CABLES2: variants seen among roughly 807,000 people sequenced by gnomAD.
CABLES2 encodes the protein CDK5 and ABL1 enzyme substrate 2.
CABLES2 carries 35 observed loss-of-function variants against 44.8 expected under a neutral mutation model. That is an observed-to-expected ratio of 0.78 (90% CI 0.60 to 1.04). CABLES2 has a LOEUF of 1.04. CABLES2 is among the 50% of genes least tolerant of loss of function. The pLI is 0.00. For missense variants in CABLES2, 566 were observed against 615.7 expected (o/e 0.92, Z 0.85); for synonymous variants, 282 against 281.1 (o/e 1.00, Z -0.03).
chr20:62,398,630 G>C (rs540485241), intron 1 of CABLES2, among the ~76,000 whole-genome samples: 10 of 152,292 alleles, frequency 6.6e-5, no homozygotes, highest in African/African-American at 1.2e-4. Context: ...ACAAGACCTG[G>C]TGCACTCAGG....
At chr20:62,393,353 G>A (rs761609824) in intron 6 of CABLES2, 87 bp downstream of exon 6, 17 of 1,358,286 alleles carry the variant, frequency 1.3e-5, no homozygotes, top group Non-Finnish European at 1.6e-5. Context: ...ATTGAAAGGG[G>A]CTTGCTGATG....
rs889739190 is a variant in CABLES2, at chr20:62,391,686, C to A, written c.1092-233G>T. Among the ~76,000 whole-genome samples, 1 of 151,964 alleles carries A rather than the reference C, an allele frequency of 6.6e-6. No individual in the cohort carries two copies. ...GCTTCCCCCGTCCCGTGGGTGGGCA[C>A]CCATGGCAGCTCCCACCTGTGCCTG... On this transcript the variant is annotated intron_variant, in intron 8 of 9. Transcript: ENST00000279101. The surrounding 1 kb of genome is among the most constrained non-coding windows in gnomAD (Gnocchi z 5.7).
intron 1 of CABLES2, among the ~76,000 whole-genome samples, chr20:62,399,215 G>T (rs911633704): frequency 1.3e-5 from 2 of 148,312 alleles, no homozygotes; most frequent in African/African-American, 5.1e-5. Context: ...CTCCCAAAGG[G>T]CTGGGATTAC....
chr20:62,390,655 CA>C lies in CABLES2; in HGVS notation c.*315del. On this transcript the variant is annotated 3_prime_UTR_variant, in exon 10 of 10. Coordinates refer to ENST00000279101, the MANE Select transcript of CABLES2 (RefSeq NM_031215.3). ...CCGGCTCGCTGCTGCACGCTGTGAA[CA>C]AAAGGTCCTGGTACCAGGCTGGTCT... 5.3e-6 allele frequency: 2 copies of C among 376,402 alleles called. No homozygotes were observed. The highest frequency in any genetic ancestry group is 1.0e-5 in the Non-Finnish European group (2 of 200,800). The allele number at this position is 376,402 out of a possible 1,614,324, so 23.3% of individuals were successfully genotyped here. A position where few individuals can be genotyped will look rare whatever the true frequency, so the allele number is the denominator to read the frequency against.
chr20:62,396,887 C>G lies in CABLES2; in HGVS notation c.363-295G>C, dbSNP rs1195527118. Among the ~76,000 whole-genome samples the G allele has an allele frequency of 1.3e-5, 2 of 152,128 alleles. No individual in the cohort carries two copies. The highest frequency in any genetic ancestry group is 6.5e-5 in the Admixed American group (1 of 15,284). ...AGCACAGCACAGCACGCCAACCTGC[C>G]CTGCCCACCGAGGGTCGCTCGGCCC... On this transcript the variant is annotated intron_variant, in intron 1 of 9. Coordinates refer to ENST00000279101, the MANE Select transcript of CABLES2 (RefSeq NM_031215.3). This position sits in a 1 kb window ranked among gnomAD's most constrained non-coding sequence, Gnocchi z 5.7.
chr20:62,393,569 C>T lies in CABLES2; in HGVS notation c.751G>A (p.Ala251Thr), dbSNP rs200257257. Reference sequence around the variant, plus strand: ...CTGTCACTCTTGTGTGTGACCAGGGCGTTGGTGGGATACAGGAACTTCGCA... The same window carrying T: ...CTGTCACTCTTGTGTGTGACCAGGGTGTTGGTGGGATACAGGAACTTCGCA... ...SYAKFLYPTN[A>T]LVTHKSDSHG... The change falls in exon 6 of 10, where the codon GCC becomes ACC. Residue 251 changes from alanine to threonine, a missense_variant. Ala to Thr is a moderately conservative substitution (Grantham distance 58, BLOSUM62 0). Around this residue, in one of 2 missense-constraint regions of CABLES2, gnomAD observed 436 missense variants for 536.3 expected, o/e 0.81. Coordinates refer to ENST00000279101, the MANE Select transcript of CABLES2 (RefSeq NM_031215.3). The T allele has an allele frequency of 8.1e-6, 13 of 1,608,770 alleles. No individual in the cohort carries two copies. Among genetic ancestry groups the T allele is most frequent in the African/African-American group, 1.3e-5 (1 of 74,704 alleles).
rs751695902 is a variant in CABLES2 at position 62,396,404 on chromosome 20, G to A, written c.438C>T (p.Thr146=). Reference sequence around the variant, plus strand: ...GTCTCGGTGATCCAGATGTGTGTTTGGTTCTGCAAGGCAAAGGACACAGGT... The same window carrying A: ...GTCTCGGTGATCCAGATGTGTGTTTAGTTCTGCAAGGCAAAGGACACAGGT... ...DAVGCAPAQR[T]KHTSGSPRHK... is the part of the protein sequence containing the mutation. The change falls in exon 3 of 10, where the codon ACC becomes ACT. Residue 146 remains threonine (T), a synonymous_variant. Coordinates refer to ENST00000279101, the MANE Select transcript of CABLES2 (RefSeq NM_031215.3). The surrounding 1 kb of genome is among the most constrained non-coding windows in gnomAD (Gnocchi z 5.7). 1.9e-6 allele frequency: 3 copies of A among 1,613,820 alleles called. No individual in the cohort carries two copies. In the African/African-American group the frequency reaches 4.0e-5, roughly 22 times the overall value.
intron 1 of CABLES2, among the ~76,000 whole-genome samples, chr20:62,398,276 GTGGTGGTGGTGA>G (rs1448767735): frequency 6.8e-6 from 1 of 147,552 alleles, no homozygotes; most frequent in African/African-American, 2.5e-5. Context: ...GATGGCGGTG[GTGGTGGTGGTGA>G]TGGTGGCGAT....
Position 62,397,989 on chromosome 20 carries a change from GTGGTGA to G in CABLES2, c.363-1403_363-1398del, listed in dbSNP as rs1569017287. 3.4e-3 allele frequency among the ~76,000 whole-genome samples: 198 copies of G among 58,308 alleles called. 3 individuals carry two copies. Among genetic ancestry groups the G allele is most frequent in the African/African-American group, 9.0e-3 (172 of 19,016 alleles). 38.3% of individuals were successfully genotyped at this position (58,308 alleles called of 152,430 possible). A position where few individuals can be genotyped will look rare whatever the true frequency, so the allele number is the denominator to read the frequency against. On this transcript the variant is annotated intron_variant, in intron 1 of 9. Coordinates refer to ENST00000279101, the MANE Select transcript of CABLES2 (RefSeq NM_031215.3). ...GGTGGTGACAGTGGTGATGGCGGTG[GTGGTGA>G]TGATGGTGATGGTTATGGCGGTGGT...
At chr20:62,401,283 G>T (rs532756257) in intron 1 of CABLES2, among the ~76,000 whole-genome samples, 49 of 152,350 alleles carry the variant, frequency 3.2e-4, no homozygotes, top group African/African-American at 1.2e-3. Flanking sequence ...TGGGGAGGAC[G>T]CCGCTTTGGC....
At position 62,396,136 on chromosome 20, in the gene CABLES2, T is replaced by C. The variant is rs1441446506; in HGVS notation, c.527+179A>G. Among the ~76,000 whole-genome samples, 1 of 152,072 alleles carries C rather than the reference T, an allele frequency of 6.6e-6. No individual in the cohort carries two copies. Among genetic ancestry groups the C allele is most frequent in the Non-Finnish European group, 1.5e-5 (1 of 68,010 alleles). ...TGTGGTGACACCAGGGACCTGCGGG[T>C]GCTCGGCTGATGTGGAGCAAGCAGT... On this transcript the variant is annotated intron_variant, in intron 3 of 9. Coordinates refer to ENST00000279101, the MANE Select transcript of CABLES2 (RefSeq NM_031215.3). The surrounding 1 kb of genome is among the most constrained non-coding windows in gnomAD (Gnocchi z 5.7).
At position 62,396,262 on chromosome 20, in the gene CABLES2, C is replaced by T. The variant is rs569343385; in HGVS notation, c.527+53G>A. The T allele has an allele frequency of 8.3e-5, 123 of 1,479,180 alleles. 2 individuals are homozygous for T. In the South Asian group the frequency reaches 1.2e-3, roughly 15 times the overall value. The allele number at this position is 1,479,180 out of a possible 1,614,324, so 91.6% of individuals were successfully genotyped here. On this transcript the variant is annotated intron_variant, in intron 3 of 9. Coordinates refer to ENST00000279101, the MANE Select transcript of CABLES2 (RefSeq NM_031215.3). The surrounding 1 kb of genome is among the most constrained non-coding windows in gnomAD (Gnocchi z 5.7). The stretch of plus-strand genomic sequence containing the variant: ...TGCTTGGCTGACAGGGGCAGGACCC[C>T]GTGGGCTTATGGAGACCACAGCCCT...
At chr20:62,401,425 C>T (rs970019238) in intron 1 of CABLES2, among the ~76,000 whole-genome samples, 1 of 152,244 alleles carries the variant, frequency 6.6e-6, no homozygotes, top group Non-Finnish European at 1.5e-5. Flanking sequence ...GGGACGGGCA[C>T]TGGCAAGTGC....
intron 6 of CABLES2, among the ~76,000 whole-genome samples, 154 bp downstream of exon 6, chr20:62,393,286 G>T (rs918836320): frequency 2.0e-5 from 3 of 152,258 alleles, no homozygotes; most frequent in African/African-American, 7.2e-5. Flanking sequence ...GATTCAGTGT[G>T]GAGCTGTTCC....
chr20:62,392,569 AT>A, intron 7 of CABLES2, 74 bp from the exon 8 acceptor site: 2 of 1,084,310 alleles, frequency 1.8e-6, no homozygotes, highest in South Asian at 1.3e-5. Flanking sequence ...GGTACGATGG[AT>A]TTCTCACTGT....
chr20:62,396,433 T>A lies in CABLES2; in HGVS notation c.435-26A>T, dbSNP rs778516560. ...CTGCAAGGCAAAGGACACAGGTCAC[T>A]CTTTTCCTCCCAGGACCCTCTGGCC... is the stretch of plus-strand genomic sequence containing the variant. On this transcript the variant is annotated intron_variant, in intron 2 of 9. Coordinates refer to ENST00000279101, the MANE Select transcript of CABLES2 (RefSeq NM_031215.3). The surrounding 1 kb of genome is among the most constrained non-coding windows in gnomAD (Gnocchi z 5.7). 2.5e-6 allele frequency: 4 copies of A among 1,613,464 alleles called. No individual in the cohort carries two copies. Among genetic ancestry groups the A allele is most frequent in the Non-Finnish European group, 3.4e-6 (4 of 1,179,536 alleles).
chr20:62,395,033 A>AGGGGAGACGGGGCC lies in CABLES2; in HGVS notation c.528-33_528-20dup, dbSNP rs1491513789. On this transcript the variant is annotated intron_variant, in intron 3 of 9. Coordinates refer to ENST00000279101, the MANE Select transcript of CABLES2 (RefSeq NM_031215.3). ...CACGATCCTGCAGGGGGACGGAGTCAGGGGAGACGGGGCCGGGGAGCGGGG... is the reference window on the plus strand; with the variant it reads ...CACGATCCTGCAGGGGGACGGAGTCAGGGGAGACGGGGCCGGGGAGACGGGGCCGGGGAGCGGGG... 4.4e-6 allele frequency: 7 copies of AGGGGAGACGGGGCC among 1,605,376 alleles called. No individual in the cohort carries two copies. The African/African-American group carries it at 5.3e-5, about 12-fold the overall frequency.
chr20:62,398,088 ACGG>A (rs1342896383), intron 1 of CABLES2, among the ~76,000 whole-genome samples: 1,635 of 52,188 alleles, frequency 0.031, 109 homozygotes, highest in African/African-American at 0.1. Flanking sequence ...GGTGGTGGTG[ACGG>A]TGGTGGTGGT....
intron 1 of CABLES2, chr20:62,403,183 T>C (rs1988220566): frequency 6.6e-6 from 1 of 152,248 alleles, no homozygotes; most frequent in African/African-American, 2.4e-5. Flanking sequence ...TCATTAGCGT[T>C]GTGGACACTC....
Sources: gnomAD v4.1 joint callset for allele counts (sites outside exome capture counted in the v4.1 genomes callset) on GRCh38, gnomAD v4.1.1 for gene constraint, gnomAD v4.1.1 regional missense constraint, Gnocchi (gnomAD v3.1) non-coding constraint, MANE v1.5 for transcripts, NCBI Gene and HGNC (gene_info 2026-07-23, HGNC 2026-07-21) for gene names.